Variants in PCBD2 observed in about 807,000 individuals in gnomAD.
PCBD2 encodes pterin-4 alpha-carbinolamine dehydratase 2.
Under a neutral mutation model 16.4 loss-of-function variants are expected in PCBD2, and 12 were observed. The ratio of observed to expected loss-of-function variants is 0.73; its 90% CI spans 0.47 to 1.19. PCBD2 has a LOEUF of 1.19. PCBD2 is among the 50% of genes most tolerant of loss of function. The pLI, the probability that PCBD2 is intolerant of heterozygous loss-of-function variation, is 0.00. For missense variants in PCBD2, 138 were observed against 156.8 expected (o/e 0.88, Z 0.64); for synonymous variants, 58 against 61.8 (o/e 0.94, Z 0.29).
chr5:134,937,671 C>T (rs565118222), intron 2 of PCBD2, among the ~76,000 whole-genome samples: 18 of 152,326 alleles, frequency 1.2e-4, no homozygotes, highest in African/African-American at 3.8e-4. Context: ...ACATGTGCTC[C>T]GTTCACAGTA....
chr5:134,941,329 T>C (rs890755820), intron 2 of PCBD2, among the ~76,000 whole-genome samples: 4 of 152,190 alleles, frequency 2.6e-5, no homozygotes, highest in Admixed American at 6.5e-5. Flanking sequence ...GTTGCTTTAA[T>C]AGGTGTTCAG....
chr5:134,933,001 A>T (rs17167696), intron 2 of PCBD2, among the ~76,000 whole-genome samples: 2,866 of 151,884 alleles, frequency 0.019, 80 homozygotes, highest in African/African-American at 0.06. Context: ...TGGTAAATAA[A>T]TTTTTTTTTA....
intron 2 of PCBD2, 91 bp downstream of exon 2, chr5:134,910,557 T>C: frequency 7.0e-7 from 1 of 1,429,792 alleles, no homozygotes; most frequent in South Asian, 1.3e-5. Flanking sequence ...TCTGGTCCCA[T>C]GTAGATCTAG....
intron 1 of PCBD2, among the ~76,000 whole-genome samples, chr5:134,906,194 ATTTTTTTTTTTTT>A (rs1158334317): frequency 1.7e-4 from 11 of 66,492 alleles, no homozygotes; most frequent in African/African-American, 1.4e-4. Flanking sequence ...TAATAGAAGA[ATTTTTTTTTTTTT>A]TTTTTTTTTT....
chr5:134,935,655 TTAGC>T (rs1330143440), intron 2 of PCBD2, among the ~76,000 whole-genome samples: 1 of 152,224 alleles, frequency 6.6e-6, no homozygotes, highest in Non-Finnish European at 1.5e-5. Flanking sequence ...TTTGTAAAAT[TTAGC>T]TAGCAGTCCA....
rs1328421824 is a variant in PCBD2 at position 134,961,922 on chromosome 5, TG to T, written c.*1242del. ...GACTATAGGCAAGTGCCACCACGCC[TG>T]ACTAATTTTTAAATTTTTTGTAGAG... On this transcript the variant is annotated 3_prime_UTR_variant, in exon 4 of 4. Coordinates refer to ENST00000254908, the MANE Select transcript of PCBD2 (RefSeq NM_032151.5). Among the ~76,000 whole-genome samples the T allele has an allele frequency of 6.6e-6, 1 of 151,990 alleles. No homozygotes were observed. Among genetic ancestry groups the T allele is most frequent in the Non-Finnish European group, 1.5e-5 (1 of 67,980 alleles).
chr5:134,951,063 A>T (rs1349649157), intron 2 of PCBD2, among the ~76,000 whole-genome samples: 1 of 152,148 alleles, frequency 6.6e-6, no homozygotes, highest in Non-Finnish European at 1.5e-5. Context: ...ACTAATTTTT[A>T]AAAAATAGAT....
chr5:134,919,240 TAAA>T (rs1750873648), intron 2 of PCBD2, among the ~76,000 whole-genome samples: 1 of 152,126 alleles, frequency 6.6e-6, no homozygotes, highest in African/African-American at 2.4e-5. Context: ...GTGTAAAAAA[TAAA>T]AAAGCAGTTT....
chr5:134,949,898 A>C (rs975085986), intron 2 of PCBD2, among the ~76,000 whole-genome samples: 1 of 152,224 alleles, frequency 6.6e-6, no homozygotes, highest in Non-Finnish European at 1.5e-5. Context: ...ATTTTTAATT[A>C]AAGTTGAAGA....
intron 2 of PCBD2, among the ~76,000 whole-genome samples, chr5:134,913,938 A>G (rs763222490): frequency 6.6e-6 from 1 of 152,018 alleles, no homozygotes; most frequent in Non-Finnish European, 1.5e-5. Context: ...ATGGGGTGCA[A>G]GGTGGGGGGC....
chr5:134,914,356 T>C (rs1335298783), intron 2 of PCBD2, among the ~76,000 whole-genome samples: 1 of 152,086 alleles, frequency 6.6e-6, no homozygotes, highest in Non-Finnish European at 1.5e-5. Context: ...ACTAAGATAG[T>C]GAAAAAACTT....
At chr5:134,919,402 CTG>C (rs1200719077) in intron 2 of PCBD2, among the ~76,000 whole-genome samples, 1 of 152,020 alleles carries the variant, frequency 6.6e-6, no homozygotes, top group African/African-American at 2.4e-5. Context: ...CAGGTTTAGA[CTG>C]TGAATATCAA....
chr5:134,921,234 G>A (rs1398426285), intron 2 of PCBD2, among the ~76,000 whole-genome samples: 8 of 152,232 alleles, frequency 5.3e-5, no homozygotes, highest in Admixed American at 5.2e-4. Context: ...AGATCTCCTA[G>A]TTTTGCTGGG....
intron 2 of PCBD2, among the ~76,000 whole-genome samples, chr5:134,918,170 C>T (rs1232121990): frequency 6.6e-6 from 1 of 152,126 alleles, no homozygotes; most frequent in African/African-American, 2.4e-5. Flanking sequence ...GAAGCACTCC[C>T]AAAGAGGATG....
At chr5:134,908,629 C>T (rs1327086061) in intron 1 of PCBD2, among the ~76,000 whole-genome samples, 1 of 146,554 alleles carries the variant, frequency 6.8e-6, no homozygotes, top group African/African-American at 2.5e-5. Context: ...CACACCACTG[C>T]ACTCCAGCCT....
chr5:134,937,208 T>G (rs1751170455), intron 2 of PCBD2, among the ~76,000 whole-genome samples: 1 of 152,250 alleles, frequency 6.6e-6, no homozygotes, highest in South Asian at 2.1e-4. Flanking sequence ...AGCATTTATT[T>G]CTTCTAATGA....
At chr5:134,932,297 C>T (rs1751107747) in intron 2 of PCBD2, among the ~76,000 whole-genome samples, 2 of 152,032 alleles carry the variant, frequency 1.3e-5, no homozygotes, top group African/African-American at 2.4e-5. Context: ...CCTACCTCCG[C>T]CTCCTGAGTA....
Position 134,935,862 on chromosome 5 carries a change from C to T in PCBD2, c.217-23178C>T, listed in dbSNP as rs1006637527. On this transcript the variant is annotated intron_variant, in intron 2 of 3. Coordinates refer to ENST00000254908, the MANE Select transcript of PCBD2 (RefSeq NM_032151.5). ...TTGGCGCCGAGGCTAGGGCAGCGTGCGTAGCCCTGAGTGGAAATGCCTGCT... is the reference window on the plus strand; with the variant it reads ...TTGGCGCCGAGGCTAGGGCAGCGTGTGTAGCCCTGAGTGGAAATGCCTGCT... Among the ~76,000 whole-genome samples the T allele has an allele frequency of 3.3e-5, 5 of 152,170 alleles. No homozygotes were observed. In the East Asian group the frequency reaches 5.8e-4, roughly 18 times the overall value.
Position 134,962,267 on chromosome 5 carries a change from A to AG in PCBD2, c.*1586_*1587insG, listed in dbSNP as rs929082114. Reference sequence around the variant, plus strand: ...TCACCACACCTGGCTTATTTTTAAAACTTTTTTGTGGAGACAGGGTCTTAC... The same window carrying AG: ...TCACCACACCTGGCTTATTTTTAAAAGCTTTTTTGTGGAGACAGGGTCTTAC... On this transcript the variant is annotated 3_prime_UTR_variant, in exon 4 of 4. Transcript: ENST00000254908. 1.3e-5 allele frequency among the ~76,000 whole-genome samples: 2 copies of AG among 151,782 alleles called. No individual in the cohort carries two copies. Among genetic ancestry groups the AG allele is most frequent in the Non-Finnish European group, 2.9e-5 (2 of 67,966 alleles).
Sources: allele counts gnomAD v4.1 joint callset (sites outside exome capture counted in the v4.1 genomes callset), GRCh38; gene constraint gnomAD v4.1.1; transcripts MANE v1.5; gene names NCBI Gene and HGNC (gene_info 2026-07-23, HGNC 2026-07-21).